ELAVL4: variants seen among roughly 807,000 people sequenced by gnomAD.
The protein encoded by ELAVL4 is ELAV like RNA binding protein 4, also known as ELAV-like protein 4.
Under a neutral mutation model 35.6 loss-of-function variants are expected in ELAVL4, and 1 was observed. That is an observed-to-expected ratio of 0.03 (90% CI 0.01 to 0.13). The LOEUF is 0.13. Ranked by LOEUF, ELAVL4 falls within the 10% of genes least tolerant of loss-of-function variation. The pLI, the probability that ELAVL4 is intolerant of heterozygous loss-of-function variation, is 1.00. For synonymous variants in ELAVL4, 156 were observed against 171.0 expected, an observed-to-expected ratio of 0.91 and a Z score of 0.69; for missense variants, 267 against 464.9, an observed-to-expected ratio of 0.57 and a Z score of 3.91.
chr1:50,091,947 C>CT (rs201384825), intron 1 of ELAVL4, among the ~76,000 whole-genome samples: 328 of 152,256 alleles, frequency 2.2e-3, no homozygotes, highest in African/African-American at 7.4e-3. Context: ...CTTCCAAACT[C>CT]TTTCGCCTAG....
At chr1:50,090,071 G>A (rs1415796056) in intron 1 of ELAVL4, among the ~76,000 whole-genome samples, 1 of 152,142 alleles carries the variant, frequency 6.6e-6, no homozygotes, top group African/African-American at 2.4e-5. Context: ...GTTGTAAAAA[G>A]GTCTGCCACA....
chr1:50,194,688 G>T (rs1262896917), intron 4 of ELAVL4, among the ~76,000 whole-genome samples: 1 of 152,208 alleles, frequency 6.6e-6, no homozygotes, highest in East Asian at 1.9e-4. Flanking sequence ...CAGGACTCCA[G>T]TGTGGAGTCC....
At chr1:50,060,014 T>TA (rs1215923673) in intron 1 of ELAVL4, among the ~76,000 whole-genome samples, 3 of 152,214 alleles carry the variant, frequency 2.0e-5, no homozygotes, top group African/African-American at 7.2e-5. Flanking sequence ...TGGAACTTGA[T>TA]AGAGGTCATG....
At chr1:50,117,217 C>T (rs187547900) in intron 1 of ELAVL4, among the ~76,000 whole-genome samples, 11 of 152,110 alleles carry the variant, frequency 7.2e-5, no homozygotes, top group African/African-American at 2.7e-4. Context: ...TAAAAGCAAC[C>T]TGCTTATTGT....
At chr1:50,125,351 C>T (rs535301716) in intron 1 of ELAVL4, among the ~76,000 whole-genome samples, 8 of 152,068 alleles carry the variant, frequency 5.3e-5, no homozygotes, top group East Asian at 1.9e-4. Flanking sequence ...GTTACACTAA[C>T]GAGTCCTTGT....
At chr1:50,171,009 C>T (rs11205686) in intron 2 of ELAVL4, among the ~76,000 whole-genome samples, 48 of 152,132 alleles carry the variant, frequency 3.2e-4, no homozygotes, top group African/African-American at 9.6e-4. Context: ...CTCCAGCTTG[C>T]GCAAAAGAAT....
upstream of ELAVL4, among the ~76,000 whole-genome samples, chr1:50,106,742 TC>T (rs1666352115): frequency 6.6e-6 from 1 of 152,146 alleles, no homozygotes; most frequent in South Asian, 2.1e-4. Context: ...GTTTGAGGAT[TC>T]TGTTGAAAGA....
At chr1:50,075,430 G>A (rs1271900413) in intron 1 of ELAVL4, among the ~76,000 whole-genome samples, 1 of 152,218 alleles carries the variant, frequency 6.6e-6, no homozygotes, top group Non-Finnish European at 1.5e-5. Flanking sequence ...ATACAAAGAT[G>A]TGATGTATTT....
intron 1 of ELAVL4, among the ~76,000 whole-genome samples, chr1:50,053,197 C>T (rs182631737): frequency 1.3e-4 from 20 of 152,268 alleles, no homozygotes; most frequent in African/African-American, 3.9e-4. Context: ...AATTTTGCAA[C>T]AAGTTATAGT....
intron 1 of ELAVL4, chr1:50,109,728 T>C (rs1666741323): frequency 1.7e-6 from 1 of 589,622 alleles, no homozygotes; most frequent in Non-Finnish European, 3.0e-6. Flanking sequence ...TTATTTGGGC[T>C]TCAGTAAATG....
intron 2 of ELAVL4, among the ~76,000 whole-genome samples, chr1:50,158,298 G>T (rs1676107906): frequency 1.3e-5 from 2 of 152,160 alleles, no homozygotes; most frequent in Non-Finnish European, 2.9e-5. Context: ...CAGCTTCTAA[G>T]TGGCAAAGTC....
intron 1 of ELAVL4, among the ~76,000 whole-genome samples, chr1:50,069,886 A>G (rs141112825): frequency 3.9e-5 from 6 of 152,260 alleles, no homozygotes; most frequent in Middle Eastern, 3.4e-3. Flanking sequence ...AGCCCTTATG[A>G]ATTTCTGGTG....
At chr1:50,102,379 G>T (rs924920015), upstream of ELAVL4, among the ~76,000 whole-genome samples, 11 of 151,494 alleles carry the variant, frequency 7.3e-5, no homozygotes, top group South Asian at 2.1e-4. Context: ...GCAAGTCAAA[G>T]AATTCCTGTT....
At chr1:50,197,057 C>A (rs1175667236) in intron 5 of ELAVL4, among the ~76,000 whole-genome samples, 1 of 152,138 alleles carries the variant, frequency 6.6e-6, no homozygotes, top group African/African-American at 2.4e-5. Flanking sequence ...GGAACAGAGA[C>A]CTTTATTTAC....
At chr1:50,182,419 C>T (rs1422588767) in intron 3 of ELAVL4, among the ~76,000 whole-genome samples, 2 of 152,170 alleles carry the variant, frequency 1.3e-5, no homozygotes, top group Non-Finnish European at 2.9e-5. Flanking sequence ...ATTAAACAAG[C>T]GTTCACTGCT....
chr1:50,159,604 A>G (rs558778496), intron 2 of ELAVL4, among the ~76,000 whole-genome samples: 23 of 151,868 alleles, frequency 1.5e-4, no homozygotes, highest in Admixed American at 9.8e-4. Flanking sequence ...GCGAGATTCC[A>G]TCTCAAAATA....
At chr1:50,167,207 C>T (rs556611374) in intron 2 of ELAVL4, among the ~76,000 whole-genome samples, 2 of 152,278 alleles carry the variant, frequency 1.3e-5, no homozygotes, top group South Asian at 4.1e-4. Flanking sequence ...ACTTCAAAGG[C>T]CATTCCATCA....
At chr1:50,148,053 C>T (rs1364512646) in intron 2 of ELAVL4, among the ~76,000 whole-genome samples, 1 of 152,196 alleles carries the variant, frequency 6.6e-6, no homozygotes, top group Admixed American at 6.5e-5. Flanking sequence ...GGGACATAAA[C>T]ATCACCATTT....
At chr1:50,147,510 G>T (rs1321277879) in intron 2 of ELAVL4, among the ~76,000 whole-genome samples, 3 of 152,132 alleles carry the variant, frequency 2.0e-5, no homozygotes, top group African/African-American at 4.8e-5. Context: ...AATGGGGAAG[G>T]AGTGGGAATT....
Sources: allele counts gnomAD v4.1 joint callset (sites outside exome capture counted in the v4.1 genomes callset), GRCh38; gene constraint gnomAD v4.1.1; transcripts MANE v1.5; gene names NCBI Gene and HGNC (gene_info 2026-07-23, HGNC 2026-07-21).